Variants in KDM7A observed in about 807,000 individuals in gnomAD.
KDM7A encodes lysine demethylase 7A, also known as lysine-specific demethylase 7A.
KDM7A carries 28 observed loss-of-function variants against 114.8 expected under a neutral mutation model. The observed-to-expected ratio is 0.24, with a 90% confidence interval of 0.18 to 0.33. The LOEUF is 0.33. Among genes scored for constraint, KDM7A ranks in the 10% least tolerant of loss-of-function variants. The probability of loss-of-function intolerance (pLI) is 1.00; values close to 1 mark genes in which losing one functional copy is unlikely to be tolerated. For missense variants in KDM7A, 942 were observed against 1,142.5 expected, an observed-to-expected ratio of 0.82 and a Z score of 2.53; for synonymous variants, 423 against 397.8, an observed-to-expected ratio of 1.06 and a Z score of -0.75.
chr7:140,134,338 C>T (rs1280788698), intron 2 of KDM7A, among the ~76,000 whole-genome samples: 1 of 152,182 alleles, frequency 6.6e-6, no homozygotes, highest in Non-Finnish European at 1.5e-5. Flanking sequence ...TCTCTGCAAT[C>T]TTGGGCAGGT....
chr7:140,154,748 CT>C (rs1272202392), intron 1 of KDM7A, among the ~76,000 whole-genome samples: 3 of 151,248 alleles, frequency 2.0e-5, no homozygotes, highest in Non-Finnish European at 4.4e-5. Flanking sequence ...CTCTCTCTCC[CT>C]TTTTTTTTCC....
chr7:140,170,802 A>G (rs978626554), intron 1 of KDM7A, among the ~76,000 whole-genome samples: 3 of 152,236 alleles, frequency 2.0e-5, no homozygotes, highest in Non-Finnish European at 4.4e-5. Flanking sequence ...TAGCACAAAT[A>G]CACTATATTC....
At chr7:140,094,259 C>G (rs1018573283) in intron 17 of KDM7A, 121 bp from the exon 18 acceptor site, 18 of 704,194 alleles carry the variant, frequency 2.6e-5, no homozygotes, top group Non-Finnish European at 3.9e-5. Context: ...AATCCCAACA[C>G]TTTGGGAGGC....
chr7:140,126,971 T>C (rs959414884), intron 5 of KDM7A, 148 bp from the exon 6 acceptor site: 4 of 667,338 alleles, frequency 6.0e-6, no homozygotes, highest in African/African-American at 1.8e-5. Flanking sequence ...CATGTTTGTT[T>C]GTTTTTGAGA....
intron 11 of KDM7A, among the ~76,000 whole-genome samples, chr7:140,108,054 T>C (rs1818368769): frequency 6.6e-6 from 1 of 152,212 alleles, no homozygotes; most frequent in Admixed American, 6.5e-5. Flanking sequence ...TTTCTTCCAC[T>C]TGATCAAATC....
At chr7:140,161,437 TC>T (rs1221890085) in intron 1 of KDM7A, among the ~76,000 whole-genome samples, 1 of 152,250 alleles carries the variant, frequency 6.6e-6, no homozygotes. Flanking sequence ...TGACCTTTGT[TC>T]TTTTTTTAAA....
chr7:140,148,044 T>C (rs1562957815), intron 1 of KDM7A, among the ~76,000 whole-genome samples: 1 of 152,122 alleles, frequency 6.6e-6, no homozygotes, highest in Non-Finnish European at 1.5e-5. Flanking sequence ...GCTATTAATA[T>C]TATTATCATG....
Position 140,124,800 on chromosome 7 carries a change from T to C in KDM7A, c.889-17A>G, listed in dbSNP as rs1301451562. ...CTTCTCACCCTAAAAGGAAGTATCA[T>C]ACTATTTTTGAAAAAGCAAAAGCCA... On this transcript the variant is annotated splice_polypyrimidine_tract_variant and intron_variant, in intron 6 of 19. Transcript: ENST00000397560. The C allele has an allele frequency of 6.4e-7, 1 of 1,561,416 alleles. No individual in the cohort carries two copies. The highest frequency in any genetic ancestry group is 1.9e-5 in the Admixed American group (1 of 53,520).
Position 140,176,932 on chromosome 7 carries a change from G to A in KDM7A, c.6C>T (p.Ala2=), listed in dbSNP as rs958567702. 1.6e-4 allele frequency: 190 copies of A among 1,157,366 alleles called. No individual in the cohort carries two copies. The highest frequency in any genetic ancestry group is 2.0e-4 in the Non-Finnish European group (184 of 935,560). The allele number at this position is 1,157,366 out of a possible 1,614,324, so 71.7% of individuals were successfully genotyped here. M[A]GAAAAVAAGA... ...CCGCGGCCACCGCCGCCGCCGCTCC[G>A]GCCATCTTTAAAAAACACACACACG... is the stretch of plus-strand genomic sequence containing the variant. The change falls in exon 1 of 20, where the codon GCC becomes GCT. Residue 2 remains alanine (A), a synonymous_variant. Transcript: ENST00000397560. This position sits in a 1 kb window ranked among gnomAD's most constrained non-coding sequence, Gnocchi z 4.4.
chr7:140,117,008 G>A (rs544699011), intron 9 of KDM7A, among the ~76,000 whole-genome samples: 11 of 152,118 alleles, frequency 7.2e-5, no homozygotes, highest in African/African-American at 9.7e-5. Context: ...AAAAGGTTAC[G>A]GATAAAAGAA....
chr7:140,097,923 C>G (rs1818142104), intron 14 of KDM7A, among the ~76,000 whole-genome samples: 1 of 152,148 alleles, frequency 6.6e-6, no homozygotes, highest in South Asian at 2.1e-4. Flanking sequence ...GTATTTCTTT[C>G]CAGAAGAAAA....
rs1818421875 is a variant in KDM7A at position 140,111,056 on chromosome 7, A to G, written c.1428+39T>C. On this transcript the variant is annotated intron_variant, in intron 11 of 19. Coordinates refer to ENST00000397560, the MANE Select transcript of KDM7A (RefSeq NM_030647.2). ...TAGATCCATTTGCTTCTCAAAGCAGATAATAATCAAGCATTTACATGACAG... is the reference window on the plus strand; with the variant it reads ...TAGATCCATTTGCTTCTCAAAGCAGGTAATAATCAAGCATTTACATGACAG... 4 of 1,121,892 alleles carry G rather than the reference A, an allele frequency of 3.6e-6. No individual in the cohort carries two copies. In the African/African-American group the frequency reaches 6.1e-5, roughly 17 times the overall value. The allele number at this position is 1,121,892 out of a possible 1,614,324, so 69.5% of individuals were successfully genotyped here.
chr7:140,164,712 T>C lies in KDM7A; in HGVS notation c.194+12032A>G, dbSNP rs571384117. Among the ~76,000 whole-genome samples the C allele has an allele frequency of 3.5e-4, 54 of 152,208 alleles. 1 individual carries two copies. Among genetic ancestry groups the C allele is most frequent in the Admixed American group, 2.0e-4 (3 of 15,282 alleles). On this transcript the variant is annotated intron_variant, in intron 1 of 19. Coordinates refer to ENST00000397560, the MANE Select transcript of KDM7A (RefSeq NM_030647.2). ...ATAAAGGTATTACAGGTTTTTAAAA[T>C]TGAGGCCTTATCTTTTAGATTTACA...
chr7:140,143,817 C>T (rs1196734515), intron 1 of KDM7A, among the ~76,000 whole-genome samples: 2 of 152,166 alleles, frequency 1.3e-5, no homozygotes, highest in East Asian at 1.9e-4. Context: ...CTAAATCAAG[C>T]TATTACACTT....
intron 1 of KDM7A, among the ~76,000 whole-genome samples, chr7:140,166,938 A>T (rs1202332191): frequency 2.0e-5 from 3 of 152,206 alleles, no homozygotes; most frequent in East Asian, 3.8e-4. Context: ...AGTAACATTT[A>T]AAAAACAAAC....
At chr7:140,170,494 A>G (rs1794627196) in intron 1 of KDM7A, among the ~76,000 whole-genome samples, 2 of 152,236 alleles carry the variant, frequency 1.3e-5, no homozygotes, top group African/African-American at 4.8e-5. Flanking sequence ...CACCGGAGTC[A>G]GCCTGCCTGA....
chr7:140,137,362 T>C (rs761025430), intron 2 of KDM7A, among the ~76,000 whole-genome samples: 1 of 152,262 alleles, frequency 6.6e-6, no homozygotes, highest in Non-Finnish European at 1.5e-5. Context: ...ATCACATTAT[T>C]CTGCCTCATA....
intron 1 of KDM7A, among the ~76,000 whole-genome samples, chr7:140,160,562 T>C (rs1794507523): frequency 1.3e-5 from 2 of 152,214 alleles, no homozygotes; most frequent in African/African-American, 4.8e-5. Context: ...ATGATGGGCT[T>C]ATCAGGATGT....
At chr7:140,165,696 C>T (rs2158569) in intron 1 of KDM7A, among the ~76,000 whole-genome samples, 356 of 152,200 alleles carry the variant, frequency 2.3e-3, no homozygotes, top group African/African-American at 8.3e-3. Flanking sequence ...GATCAACTGT[C>T]GGGGTATCAA....
Sources: allele counts gnomAD v4.1 joint callset (sites outside exome capture counted in the v4.1 genomes callset), GRCh38; gene constraint gnomAD v4.1.1; non-coding constraint Gnocchi (gnomAD v3.1); transcripts MANE v1.5; gene names NCBI Gene and HGNC (gene_info 2026-07-23, HGNC 2026-07-21).